The following TNRC18 variants were observed in gnomAD, a reference collection of about 807,000 sequenced individuals.
TNRC18 encodes trinucleotide repeat-containing gene 18 protein.
In TNRC18, 69 loss-of-function variants were observed where a neutral mutation model predicts 226.7. The ratio of observed to expected loss-of-function variants is 0.30; its 90% CI spans 0.25 to 0.37. The LOEUF is 0.37. Ranked by LOEUF, TNRC18 falls within the 10% of genes least tolerant of loss-of-function variation. TNRC18 has a pLI of 1.00. For synonymous variants in TNRC18, 2,449 were observed against 1,927.6 expected, an observed-to-expected ratio of 1.27 and a Z score of -7.09; for missense variants, 4,754 against 4,256.6, an observed-to-expected ratio of 1.12 and a Z score of -3.25.
Position 5,353,581 on chromosome 7 carries a change from A to C in TNRC18, c.5195-1487T>G, listed in dbSNP as rs1013236411. ...TCTAAAGAAAAAAAAAAAAAAAAAA[A>C]CCCACAGGGCATGCCAGCGACCCCT... On this transcript the variant is annotated intron_variant, in intron 16 of 29. Coordinates refer to ENST00000430969, the MANE Select transcript of TNRC18 (RefSeq NM_001080495.3). Among the ~76,000 whole-genome samples the C allele has an allele frequency of 8.3e-5, 12 of 144,730 alleles. 1 individual carries two copies. Among genetic ancestry groups the C allele is most frequent in the South Asian group, 6.7e-4 (3 of 4,478 alleles). 94.9% of individuals were successfully genotyped at this position (144,730 alleles called of 152,430 possible).
chr7:5,366,948 A>T (rs1793679901), intron 11 of TNRC18, among the ~76,000 whole-genome samples: 1 of 152,162 alleles, frequency 6.6e-6, no homozygotes, highest in Admixed American at 6.6e-5. Flanking sequence ...TTAATATGCG[A>T]GAATCCTAAC....
intron 5 of TNRC18, among the ~76,000 whole-genome samples, chr7:5,379,198 CAA>C (rs58739082): frequency 1.4e-5 from 2 of 140,890 alleles, no homozygotes; most frequent in African/African-American, 5.3e-5. Flanking sequence ...AAGACTCCGT[CAA>C]AAAAAAAAAC....
intron 2 of TNRC18, chr7:5,419,807 G>A (rs1218649322): frequency 1.3e-5 from 2 of 152,164 alleles, no homozygotes; most frequent in African/African-American, 4.8e-5. Context: ...CGGGACTCCA[G>A]TTCCTGAAAA....
chr7:5,421,383 G>T lies in TNRC18; in HGVS notation c.-137C>A. The T allele has an allele frequency of 2.4e-6, 2 of 850,604 alleles. No homozygotes were observed. The highest frequency in any genetic ancestry group is 3.0e-6 in the Non-Finnish European group (2 of 663,390). 52.7% of individuals were successfully genotyped at this position (850,604 alleles called of 1,614,324 possible). ...CGCGGCGTGCATGGCGGCGGCCAGC[G>T]GGGCTTGCGCTCGGCGGCGGGCCCG... On this transcript the variant is annotated 5_prime_UTR_variant, in exon 2 of 30. Coordinates refer to ENST00000430969, the MANE Select transcript of TNRC18 (RefSeq NM_001080495.3).
intron 2 of TNRC18, among the ~76,000 whole-genome samples, chr7:5,408,164 T>C (rs1404390152): frequency 3.3e-5 from 5 of 151,850 alleles, no homozygotes; most frequent in Non-Finnish European, 7.4e-5. Context: ...CTGGGCGTGG[T>C]GGCGCGCGCC....
intron 27 of TNRC18, among the ~76,000 whole-genome samples, chr7:5,310,972 G>A (rs1037541094): frequency 6.6e-6 from 1 of 152,242 alleles, no homozygotes; most frequent in Non-Finnish European, 1.5e-5. Flanking sequence ...GTGTACTCGT[G>A]TGCATGCACG....
Position 5,338,401 on chromosome 7 carries a change from T to C in TNRC18, c.5720-5352A>G, listed in dbSNP as rs555935320. Among the ~76,000 whole-genome samples the C allele has an allele frequency of 3.0e-4, 46 of 151,928 alleles. No homozygotes were observed. The South Asian group carries it at 8.7e-3, about 29-fold the overall frequency. On this transcript the variant is annotated intron_variant, in intron 18 of 29. Transcript: ENST00000430969. ...GTGGCTATACTAATAACAAACAAAATAGACTTTTTAAGACAAAAATTGTTA... is the reference window on the plus strand; with the variant it reads ...GTGGCTATACTAATAACAAACAAAACAGACTTTTTAAGACAAAAATTGTTA...
At chr7:5,406,430 G>A (rs984798441) in intron 2 of TNRC18, among the ~76,000 whole-genome samples, 1 of 151,144 alleles carries the variant, frequency 6.6e-6, no homozygotes, top group Admixed American at 6.6e-5. Context: ...CCACTGCACT[G>A]CAGCCTGGGT....
chr7:5,369,280 C>T (rs1055439706), intron 11 of TNRC18, among the ~76,000 whole-genome samples: 12 of 152,074 alleles, frequency 7.9e-5, no homozygotes, highest in African/African-American at 2.9e-4. Flanking sequence ...CCCGGGAGGG[C>T]GGAGGCTGCA....
Position 5,316,274 on chromosome 7 carries a change from C to CTT in TNRC18, c.6746-204_6746-203dup, listed in dbSNP as rs1278896095. 8.1e-3 allele frequency among the ~76,000 whole-genome samples: 700 copies of CTT among 86,462 alleles called. 16 individuals carry two copies. The highest frequency in any genetic ancestry group is 0.037 in the Middle Eastern group (3 of 80). 56.7% of individuals were successfully genotyped at this position (86,462 alleles called of 152,430 possible). On this transcript the variant is annotated intron_variant, in intron 24 of 29. Transcript: ENST00000430969. ...CCCGGGCAGGGCAGGAGAAATGGGT[C>CTT]TTTTTTTTTTTTTTTTTTTTTTGAG...
Position 5,313,051 on chromosome 7 carries a change from A to C in TNRC18, c.7840T>G (p.Ser2614Ala), listed in dbSNP as rs1022523938. The change falls in exon 27 of 30, where the codon TCC becomes GCC. Residue 2614 changes from serine (S) to alanine (A), a missense_variant. By Grantham distance (99) the Ser-to-Ala change is moderately conservative (BLOSUM62 1). Coordinates refer to ENST00000430969, the MANE Select transcript of TNRC18 (RefSeq NM_001080495.3). ...GAGGAGGATGAGGAGGAGGAGGAGG[A>C]GGCCGGTGAGGCCGCCCTGGAGCTG... ...AASSRAASPA[S>A]SSSSSSSSSS... 2.3e-5 allele frequency: 23 copies of C among 986,076 alleles called. No individual in the cohort carries two copies. The highest frequency in any genetic ancestry group is 1.0e-4 in the East Asian group (4 of 38,268). The allele number at this position is 986,076 out of a possible 1,614,324, so 61.1% of individuals were successfully genotyped here. A position where few individuals can be genotyped will look rare whatever the true frequency, so the allele number is the denominator to read the frequency against.
At chr7:5,387,551 TA>T in intron 5 of TNRC18, 120 bp downstream of exon 5, 2 of 1,401,002 alleles carry the variant, frequency 1.4e-6, no homozygotes, top group Non-Finnish European at 1.9e-6. Context: ...AAGACCATTT[TA>T]AAAAATGATA....
chr7:5,410,310 CAAAA>C (rs1157425008), intron 2 of TNRC18, among the ~76,000 whole-genome samples: 29 of 66,212 alleles, frequency 4.4e-4, no homozygotes, highest in East Asian at 1.1e-3. Context: ...GACTCTGTCT[CAAAA>C]AAAAAAAAAA....
At position 5,376,074 on chromosome 7, in the gene TNRC18, G is replaced by A. The variant is rs773725606; in HGVS notation, c.2759C>T (p.Ala920Val). ...CCTCTGCAGTTCCAAGGCCTGGGCC[G>A]CCTGCTGCTGCAGGTACAGGAACTC... is the stretch of plus-strand genomic sequence containing the variant. ...QQEFLYLQQQ[A>V]AQALELQRSA... The change falls in exon 9 of 30, where the codon GCG becomes GTG. Residue 920 changes from alanine (A) to valine (V), a missense_variant. Ala to Val is a moderately conservative substitution (Grantham distance 64). Transcript: ENST00000430969. 2.8e-5 allele frequency: 44 copies of A among 1,596,214 alleles called. No individual in the cohort carries two copies. The highest frequency in any genetic ancestry group is 9.1e-5 in the East Asian group (4 of 43,966).
intron 3 of TNRC18, among the ~76,000 whole-genome samples, chr7:5,393,946 G>C (rs976576843): frequency 6.6e-6 from 1 of 152,074 alleles, no homozygotes; most frequent in African/African-American, 2.4e-5. Flanking sequence ...GCCCTCAGGT[G>C]ATCTTCCCAC....
At chr7:5,403,280 C>T (rs1781236551) in intron 2 of TNRC18, among the ~76,000 whole-genome samples, 1 of 151,982 alleles carries the variant, frequency 6.6e-6, no homozygotes, top group Admixed American at 6.6e-5. Context: ...CCTGCCTCAG[C>T]CTCCCGAGTA....
intron 5 of TNRC18, among the ~76,000 whole-genome samples, chr7:5,385,671 A>G (rs1779720913): frequency 6.7e-6 from 1 of 150,346 alleles, no homozygotes; most frequent in Admixed American, 6.7e-5. Flanking sequence ...TGACAGAGCG[A>G]GACTCCATCC....
At chr7:5,367,674 C>T (rs1426799419) in intron 11 of TNRC18, among the ~76,000 whole-genome samples, 5 of 151,594 alleles carry the variant, frequency 3.3e-5, no homozygotes, top group African/African-American at 4.8e-5. Context: ...ATGATCTGCC[C>T]GCCTCGGCCT....
chr7:5,331,212 C>A (rs1244614373), intron 19 of TNRC18, among the ~76,000 whole-genome samples: 1 of 152,110 alleles, frequency 6.6e-6, no homozygotes, highest in Non-Finnish European at 1.5e-5. Flanking sequence ...ATATCAAGGG[C>A]TCAGGGTGGA....
Sources: gnomAD v4.1 joint callset for allele counts (sites outside exome capture counted in the v4.1 genomes callset) on GRCh38, gnomAD v4.1.1 for gene constraint, MANE v1.5 for transcripts, NCBI Gene and HGNC (gene_info 2026-07-23, HGNC 2026-07-21) for gene names.